ACAD9: variants seen among roughly 807,000 people sequenced by gnomAD.
ACAD9 encodes acyl-CoA dehydrogenase family member 9, also known as complex I assembly factor ACAD9, mitochondrial.
Under a neutral mutation model 70.2 loss-of-function variants are expected in ACAD9, and 53 were observed. That is an observed-to-expected ratio of 0.75 (90% CI 0.61 to 0.95). The LOEUF (loss-of-function observed/expected upper bound fraction) is 0.95. Ranked by LOEUF, ACAD9 falls within the 40% of genes least tolerant of loss-of-function variation. The pLI, the probability that ACAD9 is intolerant of heterozygous loss-of-function variation, is 0.00. For missense variants in ACAD9, 777 were observed against 802.8 expected (o/e 0.97, Z 0.39); for synonymous variants, 313 against 312.1 (o/e 1.00, Z -0.03).
At chr3:128,906,087 C>T (rs1935879966) in intron 11 of ACAD9, 34 bp from the exon 12 acceptor site, 2 of 1,613,924 alleles carry the variant, frequency 1.2e-6, no homozygotes. Context: ...CGTAGGTCCT[C>T]CTTTTGGAAA....
Position 128,895,426 on chromosome 3 carries a change from C to T in ACAD9, c.453+10C>T. 6.3e-7 allele frequency: 1 copy of T among 1,593,374 alleles called. No individual in the cohort carries two copies. The highest frequency in any genetic ancestry group is 8.6e-7 in the Non-Finnish European group (1 of 1,169,494). Reference sequence around the variant, plus strand: ...GGCTATTGGCCTCAAGGTCAGGTATCTGGGGATTCTGTGTGGTGCTCTCTG... The same window carrying T: ...GGCTATTGGCCTCAAGGTCAGGTATTTGGGGATTCTGTGTGGTGCTCTCTG... On this transcript the variant is annotated intron_variant, in intron 4 of 17. Coordinates refer to ENST00000308982, the MANE Select transcript of ACAD9 (RefSeq NM_014049.5).
At chr3:128,880,078 T>C in intron 1 of ACAD9, 1 of 1,477,492 alleles carries the variant, frequency 6.8e-7, no homozygotes, top group Admixed American at 2.1e-5. Flanking sequence ...TCCAGCTAAA[T>C]TTTGTCAGGG....
In ACAD9 at chr3:128,910,146, C is replaced by T. The variant is rs756613423; in HGVS notation, c.1689C>T (p.His563=). Reference sequence around the variant, plus strand: ...GCATTGGGCTCCGCAACCACGACCACGAGGTGAGCCCAGCCCAGCCTCACA... The same window carrying T: ...GCATTGGGCTCCGCAACCACGACCATGAGGTGAGCCCAGCCCAGCCTCACA... ...SIRIGLRNHD[H]EVLLANTFCV... is the part of the protein sequence containing the mutation. The change falls in exon 16 of 18, where the codon CAC becomes CAT. Residue 563 remains histidine (H), a synonymous_variant. Transcript: ENST00000308982. 33 of 1,613,938 alleles carry T rather than the reference C, an allele frequency of 2.0e-5. No homozygotes were observed. The highest frequency in any genetic ancestry group is 1.2e-4 in the African/African-American group (9 of 74,938).
rs1184814123 is a variant in ACAD9, at chr3:128,887,633, A to AT, written c.244+2887_244+2888insT. Among the ~76,000 whole-genome samples, 220 of 94,024 alleles carry AT rather than the reference A, an allele frequency of 2.3e-3. 4 individuals are homozygous for AT. The highest frequency in any genetic ancestry group is 0.016 in the African/African-American group (190 of 12,092). 61.7% of individuals were successfully genotyped at this position (94,024 alleles called of 152,430 possible). On this transcript the variant is annotated intron_variant, in intron 2 of 17. Transcript: ENST00000308982. Reference sequence around the variant, plus strand: ...CAAAAAAAAATAAAAATAAAAATAAAAAAATAAATAAATATATATATATAT... The same window carrying AT: ...CAAAAAAAAATAAAAATAAAAATAAATAAAATAAATAAATATATATATATAT...
At chr3:128,895,512 C>A in intron 4 of ACAD9, 96 bp downstream of exon 4, 1 of 1,166,264 alleles carries the variant, frequency 8.6e-7, no homozygotes, top group Non-Finnish European at 1.3e-6. Flanking sequence ...CTGAATTGGG[C>A]CTGATATCTG....
chr3:128,906,270 C>T (rs751038428), intron 12 of ACAD9, 21 bp downstream of exon 12: 7 of 1,612,664 alleles, frequency 4.3e-6, no homozygotes, highest in African/African-American at 2.7e-5. Context: ...CCGCCACCAG[C>T]TAAGCTGTGC....
In ACAD9 at chr3:128,910,957, T is replaced by C. The variant is rs1221385456; in HGVS notation, c.1765+144T>C. Reference sequence around the variant, plus strand: ...CCTTGAGCGAGGGCCTGGGTAGGCCTGGGCTTAGCTGCAGCAGTGCCCACC... The same window carrying C: ...CCTTGAGCGAGGGCCTGGGTAGGCCCGGGCTTAGCTGCAGCAGTGCCCACC... On this transcript the variant is annotated intron_variant, in intron 17 of 17. Coordinates refer to ENST00000308982, the MANE Select transcript of ACAD9 (RefSeq NM_014049.5). The C allele has an allele frequency of 3.1e-6, 3 of 982,014 alleles. No individual in the cohort carries two copies. In the African/African-American group the frequency reaches 4.8e-5, roughly 16 times the overall value. The allele number at this position is 982,014 out of a possible 1,614,324, so 60.8% of individuals were successfully genotyped here.
In ACAD9 at chr3:128,891,450, G is replaced by A. The variant is rs143902415; in HGVS notation, c.245-2105G>A. Among the ~76,000 whole-genome samples the A allele has an allele frequency of 1.5e-3, 222 of 152,208 alleles. 3 individuals are homozygous for A. The highest frequency in any genetic ancestry group is 0.012 in the Admixed American group (180 of 15,288). ...AGTCTGGCCAACAGGGTGAAACCCCGTCTCTACCAAAAATACAAAAATTAG... is the reference window on the plus strand; with the variant it reads ...AGTCTGGCCAACAGGGTGAAACCCCATCTCTACCAAAAATACAAAAATTAG... On this transcript the variant is annotated intron_variant, in intron 2 of 17. Transcript: ENST00000308982.
At chr3:128,901,911 A>G (rs943593645) in intron 8 of ACAD9, among the ~76,000 whole-genome samples, 1 of 152,160 alleles carries the variant, frequency 6.6e-6, no homozygotes, top group Non-Finnish European at 1.5e-5. Flanking sequence ...TTATGTCCCT[A>G]TGGATTTGCC....
Position 128,901,331 on chromosome 3 carries a change from G to A in ACAD9, c.864G>A (p.Glu288=). 1 of 1,614,156 alleles carries A rather than the reference G, an allele frequency of 6.2e-7. No homozygotes were observed. Among genetic ancestry groups the A allele is most frequent in the Non-Finnish European group, 8.5e-7 (1 of 1,179,998 alleles). The change falls in exon 8 of 18, where the codon GAG becomes GAA. Residue 288 remains glutamate (E), a synonymous_variant. Coordinates refer to ENST00000308982, the MANE Select transcript of ACAD9 (RefSeq NM_014049.5). Reference sequence around the variant, plus strand: ...TACCTGTGGAAAACATCCTTGGAGAGGTCGGAGATGGGTTTAAGGTGAGTT... The same window carrying A: ...TACCTGTGGAAAACATCCTTGGAGAAGTCGGAGATGGGTTTAAGGTGAGTT... ...TKIPVENILG[E]VGDGFKVAMN... is the part of the protein sequence containing the mutation.
intron 3 of ACAD9, among the ~76,000 whole-genome samples, chr3:128,895,018 A>G (rs1935529395): frequency 1.3e-5 from 2 of 151,718 alleles, no homozygotes; most frequent in African/African-American, 4.8e-5. Context: ...CTGGGACCAC[A>G]GGCACACACC....
chr3:128,909,928 A>G, intron 15 of ACAD9, 93 bp from the exon 16 acceptor site: 2 of 1,552,034 alleles, frequency 1.3e-6, no homozygotes, highest in Non-Finnish European at 1.8e-6. Flanking sequence ...GGAACACAGG[A>G]GACTAAGACA....
chr3:128,880,204 T>A, intron 1 of ACAD9: 3 of 423,530 alleles, frequency 7.1e-6, no homozygotes, highest in South Asian at 6.3e-5. Context: ...ACCATGTCCC[T>A]CCTCAGTCAC....
rs1314215417 is a variant in ACAD9, at chr3:128,913,059, A to G, written c.*452A>G. ...AACTAGAAGCAGAGGCACTTAAAAC[A>G]TGTACCAGGAACCATTTAACAAAGA... On this transcript the variant is annotated 3_prime_UTR_variant, in exon 18 of 18. Transcript: ENST00000308982. 6 of 455,150 alleles carry G rather than the reference A, an allele frequency of 1.3e-5. No individual in the cohort carries two copies. Among genetic ancestry groups the G allele is most frequent in the Non-Finnish European group, 2.6e-5 (6 of 227,282 alleles). The allele number at this position is 455,150 out of a possible 1,614,324, so 28.2% of individuals were successfully genotyped here.
intron 1 of ACAD9, among the ~76,000 whole-genome samples, chr3:128,883,273 C>T (rs898974967): frequency 2.0e-5 from 3 of 151,692 alleles, no homozygotes; most frequent in African/African-American, 7.3e-5. Flanking sequence ...AACTCCTGGG[C>T]TTTAAGCAAT....
chr3:128,892,627 A>G (rs1229909468), intron 2 of ACAD9, among the ~76,000 whole-genome samples: 1 of 152,200 alleles, frequency 6.6e-6, no homozygotes, highest in Non-Finnish European at 1.5e-5. Context: ...AGGTCAAGTG[A>G]TCCTTCCACC....
rs780233473 is a variant in ACAD9 at position 128,902,664 on chromosome 3, C to A, written c.958+36C>A. ...TAGGGACAAGGCCCTTTGTGCCCCA[C>A]CCCCTGCTGCCCCGGCTCCAACCCT... is the stretch of plus-strand genomic sequence containing the variant. On this transcript the variant is annotated intron_variant, in intron 9 of 17. Coordinates refer to ENST00000308982, the MANE Select transcript of ACAD9 (RefSeq NM_014049.5). The surrounding 1 kb of genome is among the most constrained non-coding windows in gnomAD (Gnocchi z 4.0). The A allele has an allele frequency of 1.2e-5, 19 of 1,606,300 alleles. No homozygotes were observed. In the South Asian group the frequency reaches 1.8e-4, roughly 15 times the overall value.
chr3:128,889,612 T>C (rs1240987778), intron 2 of ACAD9, among the ~76,000 whole-genome samples: 3 of 152,250 alleles, frequency 2.0e-5, no homozygotes, highest in African/African-American at 4.8e-5. Context: ...GGAATTATAT[T>C]ATGTGTGATT....
chr3:128,893,183 T>A (rs966401608), intron 2 of ACAD9, among the ~76,000 whole-genome samples: 4 of 147,088 alleles, frequency 2.7e-5, no homozygotes, highest in African/African-American at 1.0e-4. Context: ...TCGTCTCTAC[T>A]GAAAAAAAAA....
Sources: gnomAD v4.1 joint callset for allele counts (sites outside exome capture counted in the v4.1 genomes callset) on GRCh38, gnomAD v4.1.1 for gene constraint, Gnocchi (gnomAD v3.1) non-coding constraint, MANE v1.5 for transcripts, NCBI Gene and HGNC (gene_info 2026-07-23, HGNC 2026-07-21) for gene names.